UNC13C: variants seen among roughly 807,000 people sequenced by gnomAD.
UNC13C encodes the protein protein unc-13 homolog C.
UNC13C carries 174 observed loss-of-function variants against 245.4 expected under a neutral mutation model. That is an observed-to-expected ratio of 0.71 (90% CI 0.63 to 0.80). UNC13C has a LOEUF of 0.80. Ranked by LOEUF, UNC13C falls within the 30% of genes least tolerant of loss-of-function variation. The probability of loss-of-function intolerance (pLI) is 0.00; values close to 1 mark genes in which losing one functional copy is unlikely to be tolerated. For missense variants in UNC13C, 2,829 were observed against 2,602.9 expected, an observed-to-expected ratio of 1.09 and a Z score of -1.89; for synonymous variants, 992 against 895.1, an observed-to-expected ratio of 1.11 and a Z score of -1.93.
the UNC13C span, among the ~76,000 whole-genome samples, chr15:53,850,729 A>T: frequency 8.5e-5 from 13 of 152,100 alleles, no homozygotes; most frequent in Non-Finnish European, 1.6e-4. Flanking sequence ...ATTTCCATCA[A>T]ATTTGGATAA....
intron 23 of UNC13C, among the ~76,000 whole-genome samples, chr15:54,508,015 C>G (rs1361906806): frequency 1.3e-5 from 2 of 152,012 alleles, no homozygotes; most frequent in African/African-American, 4.8e-5. Flanking sequence ...CTCTTGCTGA[C>G]AGCTCATTAA....
chr15:54,034,627 G>T (rs373155189), intron 2 of UNC13C, among the ~76,000 whole-genome samples: 8 of 152,274 alleles, frequency 5.3e-5, no homozygotes, highest in African/African-American at 1.7e-4. Flanking sequence ...TAGTGTATTT[G>T]CTTGATTTGC....
chr15:54,231,037 C>T (rs1294688830), intron 4 of UNC13C, among the ~76,000 whole-genome samples: 3 of 151,938 alleles, frequency 2.0e-5, no homozygotes, highest in African/African-American at 7.2e-5. Context: ...GTCTGTAATG[C>T]CTATAGTCTA....
chr15:54,089,619 A>G (rs11071035), intron 2 of UNC13C, among the ~76,000 whole-genome samples: 71,778 of 150,846 alleles, frequency 0.48, 18,541 homozygotes, highest in Non-Finnish European at 0.59. Context: ...TAAATTTTCA[A>G]TTAATCCAGT....
rs55925649 is a variant in UNC13C at position 54,175,508 on chromosome 15, A to ATTTTTTTT, written c.3071+31839_3071+31846dup. ...AAAACACTGTTGTTGTGGCCCTAGA[A>ATTTTTTTT]TTTTTTTTTTTTTTTTTTTTTTGAG... is the stretch of plus-strand genomic sequence containing the variant. On this transcript the variant is annotated intron_variant, in intron 4 of 32. Coordinates refer to ENST00000260323, the MANE Select transcript of UNC13C (RefSeq NM_001080534.3). 4.0e-4 allele frequency among the ~76,000 whole-genome samples: 42 copies of ATTTTTTTT among 105,980 alleles called. No homozygotes were observed. The East Asian group carries it at 5.2e-3, about 13-fold the overall frequency. 69.5% of individuals were successfully genotyped at this position (105,980 alleles called of 152,430 possible).
chr15:54,468,791 G>T (rs1278847837), intron 19 of UNC13C, among the ~76,000 whole-genome samples: 1 of 151,556 alleles, frequency 6.6e-6, no homozygotes, highest in Non-Finnish European at 1.5e-5. Context: ...TCTCTATCCT[G>T]TTCCATTGCT....
chr15:54,433,277 C>A (rs185653109), intron 19 of UNC13C, among the ~76,000 whole-genome samples: 1 of 151,760 alleles, frequency 6.6e-6, no homozygotes, highest in Non-Finnish European at 1.5e-5. Flanking sequence ...AGAGACACAG[C>A]GAGAAAAGAA....
At chr15:54,028,682 G>C (rs1896222804) in intron 2 of UNC13C, among the ~76,000 whole-genome samples, 2 of 42,378 alleles carry the variant, frequency 4.7e-5, no homozygotes, top group South Asian at 1.7e-3. Context: ...CAGCCTACAA[G>C]TCTTTTTTTT....
At chr15:54,102,398 GA>G (rs2141158016) in intron 2 of UNC13C, among the ~76,000 whole-genome samples, 1 of 152,274 alleles carries the variant, frequency 6.6e-6, no homozygotes, top group African/African-American at 2.4e-5. Context: ...TGTCCTGCCT[GA>G]AGGATTTTCA....
intron 19 of UNC13C, among the ~76,000 whole-genome samples, chr15:54,424,849 T>C (rs933878089): frequency 2.0e-5 from 3 of 151,796 alleles, no homozygotes; most frequent in Non-Finnish European, 4.4e-5. Flanking sequence ...AAAACAAAAA[T>C]GTTTCGTGGG....
the UNC13C span, among the ~76,000 whole-genome samples, chr15:53,957,108 A>G: frequency 6.6e-6 from 1 of 151,340 alleles, no homozygotes; most frequent in Non-Finnish European, 1.5e-5. Flanking sequence ...ATGCAAAGTG[A>G]GAATTTTCAG....
At chr15:53,839,724 T>TC in the UNC13C span, among the ~76,000 whole-genome samples, 1 of 152,120 alleles carries the variant, frequency 6.6e-6, no homozygotes, top group African/African-American at 2.4e-5. Flanking sequence ...CCATTTTTTT[T>TC]CCCCCTTCTG....
intron 4 of UNC13C, among the ~76,000 whole-genome samples, chr15:54,146,292 T>G (rs1396245832): frequency 6.6e-6 from 1 of 152,182 alleles, no homozygotes; most frequent in African/African-American, 2.4e-5. Flanking sequence ...CTGCTAAATC[T>G]TTCACTTTTC....
At chr15:53,945,501 G>T in the UNC13C span, among the ~76,000 whole-genome samples, 6 of 151,950 alleles carry the variant, frequency 3.9e-5, no homozygotes, top group African/African-American at 1.4e-4. Context: ...TAAGTGGGGG[G>T]TCCTTTCCCC....
chr15:53,882,820 C>T, the UNC13C span, among the ~76,000 whole-genome samples: 1 of 152,062 alleles, frequency 6.6e-6, no homozygotes, highest in Non-Finnish European at 1.5e-5. Context: ...TTCTTCTCCA[C>T]TGAGGATGGT....
At chr15:54,593,573 C>T (rs898444079) in intron 30 of UNC13C, among the ~76,000 whole-genome samples, 4 of 151,946 alleles carry the variant, frequency 2.6e-5, no homozygotes, top group Non-Finnish European at 4.4e-5. Context: ...TATTCAAAGA[C>T]CTTATCTTTG....
At chr15:54,593,063 T>A (rs1428891765) in intron 30 of UNC13C, among the ~76,000 whole-genome samples, 3 of 152,210 alleles carry the variant, frequency 2.0e-5, no homozygotes, top group African/African-American at 7.2e-5. Context: ...CCTTCATATA[T>A]GATGCTTGGT....
chr15:54,565,597 A>G (rs1392021177), intron 29 of UNC13C, among the ~76,000 whole-genome samples: 2 of 152,066 alleles, frequency 1.3e-5, no homozygotes, highest in Non-Finnish European at 2.9e-5. Flanking sequence ...TGAGAGAACC[A>G]GGTAAGATGT....
chr15:54,442,986 A>G (rs747982656), intron 19 of UNC13C, among the ~76,000 whole-genome samples: 4 of 152,100 alleles, frequency 2.6e-5, no homozygotes, highest in Non-Finnish European at 4.4e-5. Context: ...TTTGAGGTTA[A>G]TTGGTATTAA....
Sources: allele counts gnomAD v4.1 joint callset (sites outside exome capture counted in the v4.1 genomes callset), GRCh38; gene constraint gnomAD v4.1.1; transcripts MANE v1.5; gene names NCBI Gene and HGNC (gene_info 2026-07-23, HGNC 2026-07-21).